Variants in ADAMTSL1 observed in about 807,000 individuals in gnomAD.
ADAMTSL1 encodes the protein ADAMTS like 1.
A neutral mutation model predicts 201.8 loss-of-function variants in ADAMTSL1; 126 were observed. That is an observed-to-expected ratio of 0.62 (90% CI 0.54 to 0.72). The LOEUF (loss-of-function observed/expected upper bound fraction) is 0.72. Among genes scored for constraint, ADAMTSL1 ranks in the 30% least tolerant of loss-of-function variants. The pLI is 0.00. For synonymous variants in ADAMTSL1, 1,121 were observed against 903.4 expected, an observed-to-expected ratio of 1.24 and a Z score of -4.32; for missense variants, 2,679 against 2,277.8, an observed-to-expected ratio of 1.18 and a Z score of -3.59.
intron 1 of ADAMTSL1, among the ~76,000 whole-genome samples, chr9:17,941,115 G>T (rs1460932610): frequency 6.6e-6 from 1 of 152,014 alleles, no homozygotes. Flanking sequence ...CCATTTTGAA[G>T]TTGTAGTTCT....
intron 2 of ADAMTSL1, among the ~76,000 whole-genome samples, chr9:18,365,901 C>G (rs1836746849): frequency 6.6e-6 from 1 of 152,062 alleles, no homozygotes; most frequent in African/African-American, 2.4e-5. Context: ...GTGAACTGCA[C>G]ATGGGAGGGA....
chr9:18,169,804 G>A (rs58171562), intron 2 of ADAMTSL1, among the ~76,000 whole-genome samples: 1 of 152,018 alleles, frequency 6.6e-6, no homozygotes, highest in African/African-American at 2.4e-5. Flanking sequence ...ATTTCATTGA[G>A]CAGTGGTTTG....
chr9:18,055,210 A>G (rs990160841), intron 1 of ADAMTSL1, among the ~76,000 whole-genome samples: 5 of 152,232 alleles, frequency 3.3e-5, no homozygotes, highest in Non-Finnish European at 5.9e-5. Flanking sequence ...GCACCTATTC[A>G]TAGTCAGTTT....
chr9:18,273,953 G>A (rs139921404), intron 2 of ADAMTSL1, among the ~76,000 whole-genome samples: 39 of 152,274 alleles, frequency 2.6e-4, no homozygotes, highest in Admixed American at 3.9e-4. Flanking sequence ...TCTCAGGTAC[G>A]TTTCCCTAAA....
intron 2 of ADAMTSL1, among the ~76,000 whole-genome samples, chr9:18,329,390 C>G (rs1834945600): frequency 6.6e-6 from 1 of 152,172 alleles, no homozygotes; most frequent in African/African-American, 2.4e-5. Context: ...GAAGAGAAAT[C>G]TCATGGATAT....
chr9:17,994,584 C>T (rs1819297114), intron 1 of ADAMTSL1, among the ~76,000 whole-genome samples: 1 of 152,170 alleles, frequency 6.6e-6, no homozygotes, highest in Non-Finnish European at 1.5e-5. Context: ...ACAGAATTCA[C>T]AAATATTAAT....
chr9:18,816,114 T>C (rs547585851), intron 20 of ADAMTSL1, among the ~76,000 whole-genome samples: 226 of 152,348 alleles, frequency 1.5e-3, no homozygotes, highest in African/African-American at 5.2e-3. Flanking sequence ...TTTGTGCCTC[T>C]TGACCAATCT....
intron 1 of ADAMTSL1, among the ~76,000 whole-genome samples, chr9:17,910,978 G>C (rs1295899410): frequency 1.5e-5 from 1 of 68,694 alleles, no homozygotes; most frequent in African/African-American, 2.9e-5. Context: ...CTCCCGTGTA[G>C]ATACTGTAGC....
Position 18,828,708 on chromosome 9 carries a change from T to C in ADAMTSL1, c.4115-1135T>C, listed in dbSNP as rs1392935873. On this transcript the variant is annotated intron_variant, in intron 22 of 28. Coordinates refer to ENST00000380548, the MANE Select transcript of ADAMTSL1 (RefSeq NM_001040272.6). ...TATATATATATAAAATGTGTGTGTG[T>C]GTATATATATATATGTACACACACA... is the stretch of plus-strand genomic sequence containing the variant. 5.4e-5 allele frequency among the ~76,000 whole-genome samples: 5 copies of C among 93,398 alleles called. 1 individual carries two copies. The highest frequency in any genetic ancestry group is 1.8e-4 in the African/African-American group (5 of 27,748). 61.3% of individuals were successfully genotyped at this position (93,398 alleles called of 152,430 possible). A position where few individuals can be genotyped will look rare whatever the true frequency, so the allele number is the denominator to read the frequency against.
chr9:18,208,998 C>T (rs958094496), intron 2 of ADAMTSL1, among the ~76,000 whole-genome samples: 1 of 149,374 alleles, frequency 6.7e-6, no homozygotes, highest in Non-Finnish European at 1.5e-5. Flanking sequence ...TGAATATGCT[C>T]AAAGATGCTT....
chr9:18,206,959 G>C (rs1829674363), intron 2 of ADAMTSL1, among the ~76,000 whole-genome samples: 1 of 152,100 alleles, frequency 6.6e-6, no homozygotes, highest in African/African-American at 2.4e-5. Flanking sequence ...GAGGTCAGGA[G>C]TTTGAGATCA....
chr9:18,062,997 A>G (rs1288610070), intron 1 of ADAMTSL1, among the ~76,000 whole-genome samples: 3 of 152,186 alleles, frequency 2.0e-5, no homozygotes, highest in East Asian at 3.8e-4. Flanking sequence ...AAACTGAAGT[A>G]ATACACAGTA....
At chr9:18,832,174 AC>A (rs1825028238) in intron 23 of ADAMTSL1, among the ~76,000 whole-genome samples, 1 of 151,918 alleles carries the variant, frequency 6.6e-6, no homozygotes, top group Admixed American at 6.6e-5. Flanking sequence ...TCAGACCCTC[AC>A]CCCAACAATC....
intron 15 of ADAMTSL1, chr9:18,723,145 C>G: frequency 1.4e-6 from 1 of 734,228 alleles, no homozygotes. Flanking sequence ...CTTTATGTTT[C>G]CACATCTGCA....
chr9:18,163,152 A>G (rs559842171), intron 1 of ADAMTSL1, among the ~76,000 whole-genome samples: 3 of 152,062 alleles, frequency 2.0e-5, no homozygotes, highest in African/African-American at 7.2e-5. Context: ...AAAAGATGAG[A>G]GTTTTAGAGT....
chr9:18,362,377 T>G (rs887607707), intron 2 of ADAMTSL1, among the ~76,000 whole-genome samples: 4 of 152,362 alleles, frequency 2.6e-5, no homozygotes, highest in South Asian at 4.1e-4. Flanking sequence ...AATTGTTTGA[T>G]TGAACATAGG....
rs1170120098 is a variant in ADAMTSL1, at chr9:18,717,870, C to G, written c.1877-3666C>G. 5.1e-5 allele frequency: 41 copies of G among 802,164 alleles called. No individual in the cohort carries two copies. The East Asian group carries it at 1.0e-3, about 20-fold the overall frequency. 49.7% of individuals were successfully genotyped at this position (802,164 alleles called of 1,614,324 possible). On this transcript the variant is annotated intron_variant, in intron 14 of 28. Transcript: ENST00000380548. The stretch of plus-strand genomic sequence containing the variant: ...TTAAAGGGTACCACCACAGGAAAGT[C>G]CATTTAAGATGCTGGTAGGTTTAAC...
chr9:18,617,499 G>T (rs1825766755), intron 4 of ADAMTSL1, among the ~76,000 whole-genome samples: 1 of 141,120 alleles, frequency 7.1e-6, no homozygotes, highest in Admixed American at 7.0e-5. Context: ...TTTTTTTTTG[G>T]CAGGGGGGAG....
At chr9:18,264,815 G>T (rs1832055914) in intron 2 of ADAMTSL1, among the ~76,000 whole-genome samples, 1 of 152,106 alleles carries the variant, frequency 6.6e-6, no homozygotes, top group Non-Finnish European at 1.5e-5. Flanking sequence ...CTTGTTGGAG[G>T]CTCTGGACTC....
Sources: allele counts gnomAD v4.1 joint callset (sites outside exome capture counted in the v4.1 genomes callset), GRCh38; gene constraint gnomAD v4.1.1; transcripts MANE v1.5; gene names NCBI Gene and HGNC (gene_info 2026-07-23, HGNC 2026-07-21).